CDH8: variants seen among roughly 807,000 people sequenced by gnomAD.
CDH8 encodes the protein cadherin-8.
A neutral mutation model predicts 68.1 loss-of-function variants in CDH8; 17 were observed. The ratio of observed to expected loss-of-function variants is 0.25; its 90% CI spans 0.17 to 0.37. The LOEUF (loss-of-function observed/expected upper bound fraction) is 0.37. CDH8 is among the 10% of genes least tolerant of loss of function. The pLI is 1.00. For synonymous variants in CDH8, 372 were observed against 365.1 expected (o/e 1.02, Z -0.21); for missense variants, 763 against 999.3 (o/e 0.76, Z 3.19).
At chr16:61,825,648 T>C (rs1349801729) in intron 4 of CDH8, among the ~76,000 whole-genome samples, 1 of 151,754 alleles carries the variant, frequency 6.6e-6, no homozygotes, top group Non-Finnish European at 1.5e-5. Context: ...AGAGATGAAA[T>C]AAATAAATGT....
intron 4 of CDH8, among the ~76,000 whole-genome samples, chr16:61,833,389 A>T (rs1347972506): frequency 2.6e-5 from 4 of 151,804 alleles, no homozygotes; most frequent in African/African-American, 9.7e-5. Context: ...TAGGCTTTAT[A>T]AATGTATACA....
At chr16:61,840,550 A>G (rs531256749) in intron 4 of CDH8, among the ~76,000 whole-genome samples, 12 of 152,208 alleles carry the variant, frequency 7.9e-5, no homozygotes, top group Non-Finnish European at 1.6e-4. Context: ...CAATGCATGA[A>G]TACTTTTTTT....
intron 8 of CDH8, among the ~76,000 whole-genome samples, chr16:61,734,101 C>T (rs1292071907): frequency 2.6e-5 from 4 of 151,970 alleles, no homozygotes; most frequent in African/African-American, 7.2e-5. Flanking sequence ...TCTCTCAGAA[C>T]TTATAGTACA....
intron 9 of CDH8, among the ~76,000 whole-genome samples, chr16:61,719,994 AACACACAC>A (rs10595910): frequency 9.5e-5 from 14 of 147,174 alleles, no homozygotes; most frequent in South Asian, 8.6e-4. Context: ...CTTATTAGGT[AACACACAC>A]ACACACACAC....
chr16:61,673,625 A>G (rs944427294), intron 10 of CDH8, among the ~76,000 whole-genome samples: 5 of 152,192 alleles, frequency 3.3e-5, no homozygotes, highest in African/African-American at 1.2e-4. Context: ...ACCAAGAAAG[A>G]AACCACATAC....
chr16:61,964,144 C>T (rs1308918663), intron 2 of CDH8, among the ~76,000 whole-genome samples: 1 of 152,182 alleles, frequency 6.6e-6, no homozygotes, highest in African/African-American at 2.4e-5. Context: ...GGAATGTTTC[C>T]AGTCACAAAA....
chr16:61,675,906 C>A (rs772349584), intron 10 of CDH8, among the ~76,000 whole-genome samples: 1 of 150,658 alleles, frequency 6.6e-6, no homozygotes, highest in Non-Finnish European at 1.5e-5. Flanking sequence ...AATAAAAGAG[C>A]TATTACTAAT....
In CDH8 at chr16:61,652,901, A is replaced by G; in HGVS notation, c.*707T>C. The stretch of plus-strand genomic sequence containing the variant: ...GGAGGGAACGAGGAATCCTGCTTCT[A>G]GAAAACAAGCATGTTTGAATGGGAT... On this transcript the variant is annotated 3_prime_UTR_variant, in exon 12 of 12. Transcript: ENST00000577390. The G allele has an allele frequency of 6.6e-7, 1 of 1,526,522 alleles. No homozygotes were observed. The highest frequency in any genetic ancestry group is 1.2e-5 in the South Asian group (1 of 81,610). The allele number at this position is 1,526,522 out of a possible 1,614,324, so 94.6% of individuals were successfully genotyped here.
intron 2 of CDH8, among the ~76,000 whole-genome samples, chr16:61,990,897 AG>A (rs1470344868): frequency 6.6e-6 from 1 of 150,984 alleles, no homozygotes; most frequent in Admixed American, 6.6e-5. Context: ...AGGAAGGAGA[AG>A]GAAGGAAGGA....
At chr16:61,689,729 A>G (rs915974269) in intron 10 of CDH8, among the ~76,000 whole-genome samples, 2 of 152,048 alleles carry the variant, frequency 1.3e-5, no homozygotes, top group African/African-American at 2.4e-5. Context: ...TTCAGTGATG[A>G]TAAGAATAGC....
intron 10 of CDH8, among the ~76,000 whole-genome samples, chr16:61,662,087 G>GTTTTTTTTTTTTTTTTTTTTTTTTTTT: frequency 1.1e-5 from 1 of 92,790 alleles, no homozygotes; most frequent in Non-Finnish European, 2.2e-5. Flanking sequence ...TTTTACTTTA[G>GTTTTTTTTTTTTTTTTTTTTTTTTTTT]TTTTTTTTTT....
intron 4 of CDH8, among the ~76,000 whole-genome samples, chr16:61,832,650 G>A (rs1223815790): frequency 6.6e-6 from 1 of 151,400 alleles, no homozygotes; most frequent in Non-Finnish European, 1.5e-5. Flanking sequence ...AGTTTTAGAT[G>A]TTCACTTTTC....
chr16:61,960,153 G>A lies in CDH8; in HGVS notation c.253-58680C>T, dbSNP rs201910098. Among the ~76,000 whole-genome samples, 34 of 39,852 alleles carry A rather than the reference G, an allele frequency of 8.5e-4. 3 individuals carry two copies. The highest frequency in any genetic ancestry group is 0.013 in the Middle Eastern group (1 of 80). The allele number at this position is 39,852 out of a possible 152,430, so 26.1% of individuals were successfully genotyped here. ...TGTATACACATACATATATACATAT[G>A]TGTGTGTGTATACACATACATATAT... is the stretch of plus-strand genomic sequence containing the variant. On this transcript the variant is annotated intron_variant, in intron 2 of 11. Transcript: ENST00000577390.
At chr16:61,723,888 A>G (rs956589903) in intron 9 of CDH8, among the ~76,000 whole-genome samples, 8 of 150,718 alleles carry the variant, frequency 5.3e-5, no homozygotes, top group Non-Finnish European at 8.9e-5. Flanking sequence ...TGACTATATC[A>G]TGTCTGAATT....
intron 10 of CDH8, among the ~76,000 whole-genome samples, chr16:61,671,959 A>T (rs112538576): frequency 6.6e-6 from 1 of 152,152 alleles, no homozygotes; most frequent in East Asian, 1.9e-4. Flanking sequence ...TTTTACTGAA[A>T]ATGTAATCTG....
rs531110181 is a variant in CDH8, at chr16:61,684,659, T to C, written c.1655-28938A>G. ...GACTGCTTGCATTCAGAATCATTTT[T>C]TGGCCGTCCAGTGCTCTGCGCTGTA... On this transcript the variant is annotated intron_variant, in intron 10 of 11. Transcript: ENST00000577390. Among the ~76,000 whole-genome samples, 5 of 152,152 alleles carry C rather than the reference T, an allele frequency of 3.3e-5. No homozygotes were observed. The South Asian group carries it at 1.0e-3, about 32-fold the overall frequency.
intron 2 of CDH8, chr16:61,918,262 C>T (rs1964281568): frequency 6.6e-6 from 1 of 152,440 alleles, no homozygotes; most frequent in African/African-American, 2.4e-5. Flanking sequence ...ACATACCGAA[C>T]TATGAGTGTC....
At chr16:61,714,080 T>C (rs1408442603) in intron 9 of CDH8, 122 bp from the exon 10 acceptor site, 3 of 720,752 alleles carry the variant, frequency 4.2e-6, no homozygotes, top group Non-Finnish European at 7.4e-6. Flanking sequence ...TTTTCAGCTT[T>C]CTAAATTGTC....
chr16:61,698,465 C>A (rs563946469), intron 10 of CDH8, among the ~76,000 whole-genome samples: 5 of 152,248 alleles, frequency 3.3e-5, no homozygotes, highest in African/African-American at 1.2e-4. Context: ...TGTGTGGGAT[C>A]ACGGATAATA....
Sources: gnomAD v4.1 joint callset for allele counts (sites outside exome capture counted in the v4.1 genomes callset) on GRCh38, gnomAD v4.1.1 for gene constraint, MANE v1.5 for transcripts, NCBI Gene and HGNC (gene_info 2026-07-23, HGNC 2026-07-21) for gene names.